SULT4A1: variants seen among roughly 807,000 people sequenced by gnomAD.
SULT4A1 encodes the protein sulfotransferase 4A1.
SULT4A1 carries 11 observed loss-of-function variants against 35.2 expected under a neutral mutation model. That is an observed-to-expected ratio of 0.31 (90% CI 0.20 to 0.52). The LOEUF is 0.52. Ranked by LOEUF, SULT4A1 falls within the 20% of genes least tolerant of loss-of-function variation. SULT4A1 has a pLI of 0.97. For synonymous variants in SULT4A1, 152 were observed against 151.8 expected (o/e 1.00, Z -0.01); for missense variants, 271 against 383.7 (o/e 0.71, Z 2.45).
At chr22:43,850,579 T>C (rs1324770627) in intron 1 of SULT4A1, among the ~76,000 whole-genome samples, 1 of 152,172 alleles carries the variant, frequency 6.6e-6, no homozygotes, top group Non-Finnish European at 1.5e-5. Flanking sequence ...GTTTGCTGCT[T>C]GGGGACATGC....
At chr22:43,843,056 A>G (rs1194256581) in intron 1 of SULT4A1, among the ~76,000 whole-genome samples, 1 of 149,446 alleles carries the variant, frequency 6.7e-6, no homozygotes, top group Non-Finnish European at 1.5e-5. Context: ...TCCCCAAGGC[A>G]GGCCATACAA....
intron 5 of SULT4A1, among the ~76,000 whole-genome samples, chr22:43,831,500 C>T (rs151167380): frequency 2.7e-4 from 41 of 152,312 alleles, no homozygotes; most frequent in African/African-American, 9.9e-4. Flanking sequence ...TGACGTCCAC[C>T]AAGACTCCAG....
Position 43,839,972 on chromosome 22 carries a change from G to C in SULT4A1, c.354C>G (p.Pro118=). 1 of 1,610,468 alleles carries C rather than the reference G, an allele frequency of 6.2e-7. No homozygotes were observed. Among genetic ancestry groups the C allele is most frequent in the Non-Finnish European group, 8.5e-7 (1 of 1,178,744 alleles). The change falls in exon 3 of 7, where the codon CCC becomes CCG. Residue 118 remains proline (P), a synonymous_variant. Transcript: ENST00000330884. ...IKSHLPYRFL[P]SDLHNGDSKV... is the part of the protein sequence containing the mutation. The stretch of plus-strand genomic sequence containing the variant: ...TGGAGTCTCCATTGTGGAGGTCAGA[G>C]GGCAGAAAGCGGTAGGGCAGGTGGC...
intron 3 of SULT4A1, among the ~76,000 whole-genome samples, chr22:43,839,637 G>C (rs945404072): frequency 3.3e-5 from 5 of 152,190 alleles, no homozygotes; most frequent in Non-Finnish European, 7.3e-5. Context: ...CTTGGCATTT[G>C]ATGCAATTGA....
intron 1 of SULT4A1, among the ~76,000 whole-genome samples, chr22:43,851,857 C>T (rs2049345072): frequency 6.6e-6 from 1 of 152,182 alleles, no homozygotes; most frequent in Admixed American, 6.5e-5. Context: ...TCAGCTGCTT[C>T]CTGGGCTGGG....
At chr22:43,839,302 A>G (rs560457922) in intron 3 of SULT4A1, among the ~76,000 whole-genome samples, 21 of 152,386 alleles carry the variant, frequency 1.4e-4, no homozygotes, top group Non-Finnish European at 2.9e-4. Flanking sequence ...TGGTAAGAAC[A>G]CAGGCCTCTG....
intron 4 of SULT4A1, among the ~76,000 whole-genome samples, chr22:43,834,310 C>T (rs12166321): frequency 0.15 from 17,831 of 121,974 alleles, 1,609 homozygotes; most frequent in African/African-American, 0.21. Flanking sequence ...GCGCCCCCAC[C>T]GCGTCCCTGT....
intron 1 of SULT4A1, among the ~76,000 whole-genome samples, chr22:43,857,341 A>C (rs1411325001): frequency 7.1e-6 from 1 of 139,898 alleles, no homozygotes; most frequent in African/African-American, 2.6e-5. Context: ...ATTCTAGGCC[A>C]GTCTGAGCAG....
At chr22:43,842,721 C>T (rs2063444138) in intron 1 of SULT4A1, among the ~76,000 whole-genome samples, 2 of 152,096 alleles carry the variant, frequency 1.3e-5, no homozygotes, top group South Asian at 2.1e-4. Flanking sequence ...GGGCAAAACT[C>T]AACTATAGTG....
intron 1 of SULT4A1, among the ~76,000 whole-genome samples, chr22:43,862,002 C>T (rs1269923552): frequency 1.3e-5 from 2 of 152,204 alleles, no homozygotes; most frequent in African/African-American, 4.8e-5. Context: ...CCTTGGTTTC[C>T]CCAGATGAGA....
In SULT4A1 at chr22:43,826,025, G is replaced by T. The variant is rs746292009; in HGVS notation, c.831C>A (p.Asp277Glu). Residue 277 changes from aspartate to glutamate, a missense_variant, in exon 7 of 7, where the codon GAC (aspartate) becomes GAA (glutamate). Around this residue, in one of 3 missense-constraint regions of SULT4A1, gnomAD observed 32 missense variants for 61.9 expected, o/e 0.52. Transcript: ENST00000330884. The stretch of plus-strand genomic sequence containing the variant: ...ATTATAAATAAAAGTCAAACGTGAG[G>T]TCACACTTTCCCATCTTCTGTTTAT... ...LVYKQKMGKC[D>E]LTFDFYL 1 of 1,614,002 alleles carries T rather than the reference G, an allele frequency of 6.2e-7. No homozygotes were observed. Among genetic ancestry groups the T allele is most frequent in the African/African-American group, 1.3e-5 (1 of 74,918 alleles).
At chr22:43,862,133 C>A in intron 1 of SULT4A1, 81 bp downstream of exon 1, 1 of 1,189,992 alleles carries the variant, frequency 8.4e-7, no homozygotes, top group Non-Finnish European at 1.1e-6. Flanking sequence ...AGCAGAAGCC[C>A]CGGGCGCGGG....
intron 4 of SULT4A1, among the ~76,000 whole-genome samples, chr22:43,836,958 C>T (rs1321282628): frequency 1.3e-5 from 2 of 152,404 alleles, no homozygotes; most frequent in African/African-American, 4.8e-5. Flanking sequence ...GCAGGTGTCA[C>T]CTGCCTCCAG....
In SULT4A1 at chr22:43,862,431, A is replaced by C. The variant is rs868390267; in HGVS notation, c.-49T>G. The C allele has an allele frequency of 1.8e-3, 1,758 of 963,754 alleles. 1 individual carries two copies. The highest frequency in any genetic ancestry group is 2.0e-3 in the Non-Finnish European group (1,632 of 816,702). 59.7% of individuals were successfully genotyped at this position (963,754 alleles called of 1,614,324 possible). On this transcript the variant is annotated 5_prime_UTR_variant, in exon 1 of 7. Coordinates refer to ENST00000330884, the MANE Select transcript of SULT4A1 (RefSeq NM_014351.4). ...CGCCGCCTCCCGGCTCGCAGCCCGC[A>C]CGCGCCCGCGCCCGCGCCCGCGCCC...
intron 1 of SULT4A1, among the ~76,000 whole-genome samples, chr22:43,844,363 G>T (rs2063458429): frequency 6.6e-6 from 1 of 152,184 alleles, no homozygotes. Flanking sequence ...GCTCGTGTGT[G>T]CTGAGGACAC....
chr22:43,832,503 C>T (rs539471830), intron 5 of SULT4A1, among the ~76,000 whole-genome samples: 2 of 152,130 alleles, frequency 1.3e-5, no homozygotes, highest in African/African-American at 2.4e-5. Context: ...ACCACAGGCC[C>T]CAGTGTGTGA....
chr22:43,840,956 C>T (rs1042083186), intron 2 of SULT4A1, among the ~76,000 whole-genome samples: 1 of 152,192 alleles, frequency 6.6e-6, no homozygotes, highest in African/African-American at 2.4e-5. Flanking sequence ...CTGGTCCCCC[C>T]CTGATCTGCT....
chr22:43,862,459 G>GCCCGCA lies in SULT4A1; in HGVS notation c.-78_-77insTGCGGG, dbSNP rs1202251459. On this transcript the variant is annotated 5_prime_UTR_variant, in exon 1 of 7. Transcript: ENST00000330884. ...CGCCCGCGCCCGCGCCCGCGCCCGC[G>GCCCGCA]CCCCGCACACGCTCGCGCCCCACCG... The GCCCGCA allele has an allele frequency of 0.25, 205,962 of 829,530 alleles. 23,236 individuals carry two copies. Among genetic ancestry groups the GCCCGCA allele is most frequent in the East Asian group, 0.54 (4,045 of 7,554 alleles). 51.4% of individuals were successfully genotyped at this position (829,530 alleles called of 1,614,324 possible).
intron 4 of SULT4A1, among the ~76,000 whole-genome samples, chr22:43,835,861 G>A (rs1328652424): frequency 2.6e-5 from 4 of 152,230 alleles, no homozygotes; most frequent in Non-Finnish European, 5.9e-5. Context: ...CTGCGCTGAT[G>A]TGAGGAGCAA....
Sources: allele counts gnomAD v4.1 joint callset (sites outside exome capture counted in the v4.1 genomes callset), GRCh38; gene constraint gnomAD v4.1.1; regional missense constraint gnomAD v4.1.1; transcripts MANE v1.5; gene names NCBI Gene and HGNC (gene_info 2026-07-23, HGNC 2026-07-21).